The following CAPN10 variants were observed in gnomAD, a reference collection of about 807,000 sequenced individuals.
The protein encoded by CAPN10 is calpain 10, also known as calpain-10.
CAPN10 carries 71 observed loss-of-function variants against 78.4 expected under a neutral mutation model. The observed-to-expected ratio is 0.91, with a 90% CI of 0.75 to 1.10. The LOEUF (loss-of-function observed/expected upper bound fraction) is 1.10, where lower values mean the gene tolerates loss of function less well. Among genes scored for constraint, CAPN10 ranks in the 50% least tolerant of loss-of-function variants. The probability of loss-of-function intolerance (pLI) is 0.00; values close to 1 mark genes in which losing one functional copy is unlikely to be tolerated. For missense variants in CAPN10, 849 were observed against 924.6 expected (o/e 0.92, Z 1.06); for synonymous variants, 437 against 407.2 (o/e 1.07, Z -0.88).
At position 240,596,517 on chromosome 2, in the gene CAPN10, C is replaced by T; in HGVS notation, c.1477C>T (p.Leu493Phe). Residue 493 changes from leucine to phenylalanine, a missense_variant, in exon 8 of 12, where the codon CTT becomes TTT. Transcript: ENST00000391984. ...AGTCTTCTCTACCGGGCGAGTCTCC[C>T]TTAGGTGAGAGGAACCGCGCAGTGC... ...LRVFSTGRVSLSAIRAVAKNT... is the reference protein window; with the variant it reads ...LRVFSTGRVSFSAIRAVAKNT... 6.2e-7 allele frequency: 1 copy of T among 1,603,548 alleles called. No individual in the cohort carries two copies.
rs1282218796 is a variant in CAPN10, at chr2:240,597,912, G to T, written c.1768G>T (p.Asp590Tyr). 6.2e-7 allele frequency: 1 copy of T among 1,608,356 alleles called. No individual in the cohort carries two copies. Among genetic ancestry groups the T allele is most frequent in the Non-Finnish European group, 8.5e-7 (1 of 1,178,236 alleles). Residue 590 changes from aspartate (D) to tyrosine (Y), a missense_variant, in exon 10 of 12, where the codon GAC (aspartate) becomes TAC (tyrosine). By Grantham distance (160) the Asp-to-Tyr change is radical. Coordinates refer to ENST00000391984, the MANE Select transcript of CAPN10 (RefSeq NM_023083.4). The stretch of plus-strand genomic sequence containing the variant: ...GGTCCCAGAGGGTGGAAGGAGCCAG[G>T]ACGCACCCCCACTGCTGCTGCAGGA... ...FQVPEGGRSQ[D>Y]APPLLLQEPL... is the part of the protein sequence containing the mutation.
At chr2:240,591,212 T>C in intron 3 of CAPN10, 1 of 571,706 alleles carries the variant, frequency 1.7e-6, no homozygotes. Context: ...GCCCACTCCC[T>C]GCTTTCCCTT....
At chr2:240,598,129 G>T (rs1163879608) in intron 10 of CAPN10, 42 bp downstream of exon 10, 1 of 1,560,378 alleles carries the variant, frequency 6.4e-7, no homozygotes, top group South Asian at 1.2e-5. Flanking sequence ...GGAGGCTGGG[G>T]TGCTGGAGTC....
At position 240,598,758 on chromosome 2, in the gene CAPN10, C is replaced by A; in HGVS notation, c.*78C>A. 7.3e-7 allele frequency: 1 copy of A among 1,362,398 alleles called. No individual in the cohort carries two copies. The highest frequency in any genetic ancestry group is 1.0e-6 in the Non-Finnish European group (1 of 975,358). 84.4% of individuals were successfully genotyped at this position (1,362,398 alleles called of 1,614,324 possible). On this transcript the variant is annotated 3_prime_UTR_variant, in exon 12 of 12. Transcript: ENST00000391984. ...GTTCCCAGCAGCTGGGCCGGCCAGC[C>A]TTGCACTGTGGGGGCTGGTCCTGAG...
At chr2:240,596,146 G>A (rs542067873) in intron 7 of CAPN10, 173 bp from the exon 8 acceptor site, 33 of 1,501,384 alleles carry the variant, frequency 2.2e-5, no homozygotes, top group Non-Finnish European at 2.8e-5. Flanking sequence ...AGTGAAGCCC[G>A]GGATTGGTGG....
At chr2:240,590,646 C>T (rs1394230656) in intron 2 of CAPN10, 169 bp from the exon 3 acceptor site, 2 of 593,766 alleles carry the variant, frequency 3.4e-6, no homozygotes, top group Non-Finnish European at 6.0e-6. Context: ...CTGCGACATC[C>T]AGGTGTGCCG....
Position 240,596,420 on chromosome 2 carries a change from G to T in CAPN10, c.1380G>T (p.Glu460Asp). Reference protein sequence around the residue: ...AYDREVHLRCELSPGYYLAVP... With the variant: ...AYDREVHLRCDLSPGYYLAVP... ...ACCGGGAGGTCCACCTGCGTTGTGA[G>T]CTCTCACCGGGCTACTACCTGGCTG... The change falls in exon 8 of 12, where the codon GAG (glutamate) becomes GAT (aspartate). Residue 460 changes from glutamate to aspartate, a missense_variant. Physicochemically the swap from Glu to Asp is conservative, Grantham distance 45. Transcript: ENST00000391984. 1 of 1,613,714 alleles carries T rather than the reference G, an allele frequency of 6.2e-7. No individual in the cohort carries two copies. Among genetic ancestry groups the T allele is most frequent in the East Asian group, 2.2e-5 (1 of 44,880 alleles).
chr2:240,591,039 G>T (rs559087733), intron 3 of CAPN10, 28 bp downstream of exon 3: 1 of 1,602,718 alleles, frequency 6.2e-7, no homozygotes, highest in East Asian at 2.2e-5. Context: ...TGAAGGGCCT[G>T]GCCTGGGGCA....
intron 3 of CAPN10, chr2:240,591,231 C>G (rs911375544): frequency 3.6e-6 from 2 of 555,818 alleles, no homozygotes; most frequent in South Asian, 4.8e-5. Flanking sequence ...TTCCCTTGTT[C>G]CAAAGCCCAG....
Position 240,595,231 on chromosome 2 carries a change from A to G in CAPN10, c.1205A>G (p.Asp402Gly). The stretch of plus-strand genomic sequence containing the variant: ...GGCCGGGCCCGGGCACTGGTGGGTG[A>G]CAGTCATACTTCGTGGAGCCCAGCG... ...WAGRARALVG[D>G]SHTSWSPASI... The change falls in exon 7 of 12, where the codon GAC (aspartate) becomes GGC (glycine). Residue 402 changes from aspartate (D) to glycine (G), a missense_variant. Coordinates refer to ENST00000391984, the MANE Select transcript of CAPN10 (RefSeq NM_023083.4). 1 of 1,613,616 alleles carries G rather than the reference A, an allele frequency of 6.2e-7. No individual in the cohort carries two copies. Among genetic ancestry groups the G allele is most frequent in the Non-Finnish European group, 8.5e-7 (1 of 1,179,998 alleles).
chr2:240,596,027 C>T (rs2093134219), intron 7 of CAPN10: 1 of 1,488,700 alleles, frequency 6.7e-7, no homozygotes, highest in Non-Finnish European at 9.0e-7. Flanking sequence ...TGCTGGAAGG[C>T]CCACTGTCCA....
At chr2:240,594,209 C>A in intron 5 of CAPN10, 162 bp downstream of exon 5, 1 of 801,036 alleles carries the variant, frequency 1.2e-6, no homozygotes, top group Non-Finnish European at 1.9e-6. Flanking sequence ...TGGCTCCAGG[C>A]AATCCTTGTG....
In CAPN10 at chr2:240,594,242, T is replaced by C. The variant is rs1316917140; in HGVS notation, c.830+195T>C. The C allele has an allele frequency of 6.3e-6, 4 of 632,330 alleles. No homozygotes were observed. In the Admixed American group the frequency reaches 9.5e-5, roughly 15 times the overall value. 39.2% of individuals were successfully genotyped at this position (632,330 alleles called of 1,614,324 possible). On this transcript the variant is annotated intron_variant, in intron 5 of 11. Transcript: ENST00000391984. The stretch of plus-strand genomic sequence containing the variant: ...GTGAGGCCTGGGACCAAGGTGGCCA[T>C]TGGGCCTGGGGTTTCAATAGGGCAG...
rs572483249 is a variant in CAPN10 at position 240,593,774 on chromosome 2, G to A, written c.689-132G>A. 2.4e-5 allele frequency: 25 copies of A among 1,051,442 alleles called. No homozygotes were observed. In the East Asian group the frequency reaches 3.7e-4, roughly 15 times the overall value. The allele number at this position is 1,051,442 out of a possible 1,614,324, so 65.1% of individuals were successfully genotyped here. ...GAGCTCTCGTGGTCCATGGGGATCT[G>A]GGGTCTCCCGTGTAGCCATAGTGGG... On this transcript the variant is annotated intron_variant, in intron 4 of 11. Transcript: ENST00000391984.
At chr2:240,592,352 C>G (rs1487990677) in intron 4 of CAPN10, 1 of 673,470 alleles carries the variant, frequency 1.5e-6, no homozygotes, top group African/African-American at 1.8e-5. Context: ...TGGCCCTTCT[C>G]TCCCCTGACC....
Position 240,597,904 on chromosome 2 carries a change from G to A in CAPN10, c.1760G>A (p.Arg587Lys). The A allele has an allele frequency of 6.2e-7, 1 of 1,604,910 alleles. No homozygotes were observed. Among genetic ancestry groups the A allele is most frequent in the South Asian group, 1.1e-5 (1 of 90,108 alleles). Residue 587 changes from arginine to lysine, a missense_variant, in exon 10 of 12, where the codon AGG becomes AAG. Transcript: ENST00000391984. The stretch of plus-strand genomic sequence containing the variant: ...TTTCCTCAGGTCCCAGAGGGTGGAA[G>A]GAGCCAGGACGCACCCCCACTGCTG... ...FHIFQVPEGG[R>K]SQDAPPLLLQ...
Position 240,586,923 on chromosome 2 carries a change from C to A in CAPN10, c.12C>A (p.Gly4=). The change falls in exon 1 of 12, where the codon GGC becomes GGA. Residue 4 remains glycine (G), a synonymous_variant. Transcript: ENST00000391984. MRA[G]RGATPARELF... is the part of the protein sequence containing the mutation. Reference sequence around the variant, plus strand: ...CCGCGGAGCCGAGGATGCGGGCGGGCCGGGGCGCGACGCCGGCGAGGGAGC... The same window carrying A: ...CCGCGGAGCCGAGGATGCGGGCGGGACGGGGCGCGACGCCGGCGAGGGAGC... 5 of 1,441,084 alleles carry A rather than the reference C, an allele frequency of 3.5e-6. No homozygotes were observed. Among genetic ancestry groups the A allele is most frequent in the Non-Finnish European group, 2.7e-6 (3 of 1,099,074 alleles). The allele number at this position is 1,441,084 out of a possible 1,614,324, so 89.3% of individuals were successfully genotyped here.
At position 240,589,044 on chromosome 2, in the gene CAPN10, T is replaced by C. The variant is rs561286715; in HGVS notation, c.142-299T>C. Reference sequence around the variant, plus strand: ...AGGACACATTTGAGATTTACCAGCATGAGTAAAAAGTGAAACTTTTCGAAG... The same window carrying C: ...AGGACACATTTGAGATTTACCAGCACGAGTAAAAAGTGAAACTTTTCGAAG... On this transcript the variant is annotated intron_variant, in intron 1 of 11. Transcript: ENST00000391984. Among the ~76,000 whole-genome samples, 25 of 152,246 alleles carry C rather than the reference T, an allele frequency of 1.6e-4. No individual in the cohort carries two copies. The South Asian group carries it at 5.2e-3, about 32-fold the overall frequency.
rs534513193 is a variant in CAPN10, at chr2:240,591,454, C to A, written c.470+443C>A. Reference sequence around the variant, plus strand: ...GGGGACCAGGACCCTCACCATGAGTCATAATTGAATAGCCTTCCCTCTTAG... The same window carrying A: ...GGGGACCAGGACCCTCACCATGAGTAATAATTGAATAGCCTTCCCTCTTAG... On this transcript the variant is annotated intron_variant, in intron 3 of 11. Coordinates refer to ENST00000391984, the MANE Select transcript of CAPN10 (RefSeq NM_023083.4). 4 of 229,802 alleles carry A rather than the reference C, an allele frequency of 1.7e-5. No homozygotes were observed. In the East Asian group the frequency reaches 4.2e-4, roughly 24 times the overall value. The allele number at this position is 229,802 out of a possible 1,614,324, so 14.2% of individuals were successfully genotyped here.
Sources: allele counts gnomAD v4.1 joint callset (sites outside exome capture counted in the v4.1 genomes callset), GRCh38; gene constraint gnomAD v4.1.1; transcripts MANE v1.5; gene names NCBI Gene and HGNC (gene_info 2026-07-23, HGNC 2026-07-21).